Variants in NCKAP5 observed in about 807,000 individuals in gnomAD.
NCKAP5 encodes the protein NCK associated protein 5, also known as nck-associated protein 5.
A neutral mutation model predicts 167.0 loss-of-function variants in NCKAP5; 92 were observed. That is an observed-to-expected ratio of 0.55 (90% CI 0.47 to 0.66). The LOEUF (loss-of-function observed/expected upper bound fraction) is 0.66, where lower values mean the gene tolerates loss of function less well. Among genes scored for constraint, NCKAP5 ranks in the 30% least tolerant of loss-of-function variants. The probability of loss-of-function intolerance (pLI) is 0.00; values close to 1 mark genes in which losing one functional copy is unlikely to be tolerated. For synonymous variants in NCKAP5, 891 were observed against 877.4 expected, an observed-to-expected ratio of 1.02 and a Z score of -0.27; for missense variants, 2,378 against 2,315.0, an observed-to-expected ratio of 1.03 and a Z score of -0.56.
At chr2:133,491,678 A>G (rs1681457585) in intron 3 of NCKAP5, among the ~76,000 whole-genome samples, 1 of 152,132 alleles carries the variant, frequency 6.6e-6, no homozygotes, top group East Asian at 1.9e-4. Flanking sequence ...GGGAGTTTTG[A>G]CAAGACGTGA....
At chr2:133,639,747 G>C in the NCKAP5 span, among the ~76,000 whole-genome samples, 178 of 152,256 alleles carry the variant, frequency 1.2e-3, 1 homozygote, top group African/African-American at 3.8e-3. Flanking sequence ...AGGCTGTGCA[G>C]ACCATCCAGG....
intron 2 of NCKAP5, among the ~76,000 whole-genome samples, chr2:133,519,302 T>A (rs1013263016): frequency 1.3e-5 from 2 of 152,260 alleles, no homozygotes; most frequent in African/African-American, 4.8e-5. Flanking sequence ...AAGAGTTCAA[T>A]CAGAATTTAG....
At chr2:133,646,071 T>C in the NCKAP5 span, among the ~76,000 whole-genome samples, 1 of 152,130 alleles carries the variant, frequency 6.6e-6, no homozygotes, top group Admixed American at 6.5e-5. Flanking sequence ...TCTATGTATG[T>C]GTGTGTGTCT....
At chr2:133,575,290 T>C in the NCKAP5 span, among the ~76,000 whole-genome samples, 1 of 152,220 alleles carries the variant, frequency 6.6e-6, no homozygotes, top group African/African-American at 2.4e-5. Context: ...TTGAAACACA[T>C]TGAACCTTTT....
At chr2:133,585,641 T>C in the NCKAP5 span, among the ~76,000 whole-genome samples, 1 of 152,252 alleles carries the variant, frequency 6.6e-6, no homozygotes, top group Non-Finnish European at 1.5e-5. Context: ...TTACAATTAT[T>C]GAATGTATAA....
At chr2:133,464,371 T>C (rs1392069803) in intron 3 of NCKAP5, among the ~76,000 whole-genome samples, 1 of 152,184 alleles carries the variant, frequency 6.6e-6, no homozygotes, top group Non-Finnish European at 1.5e-5. Flanking sequence ...ACAAAAATGT[T>C]CAGCAAACAT....
intron 3 of NCKAP5, among the ~76,000 whole-genome samples, chr2:133,495,665 A>C (rs1681879154): frequency 2.6e-5 from 4 of 152,186 alleles, no homozygotes; most frequent in African/African-American, 9.7e-5. Context: ...GATGATATAG[A>C]AGGATTCAGT....
intron 15 of NCKAP5, among the ~76,000 whole-genome samples, chr2:132,779,694 C>G: frequency 6.6e-6 from 1 of 151,850 alleles, no homozygotes; most frequent in Middle Eastern, 3.5e-3. Context: ...GAGTCAAGAG[C>G]TATTTGAATA....
intron 3 of NCKAP5, among the ~76,000 whole-genome samples, chr2:133,391,875 T>C (rs1687434032): frequency 6.6e-6 from 1 of 152,216 alleles, no homozygotes. Flanking sequence ...ATCCAAGATC[T>C]GGCCCCTCCC....
chr2:133,523,809 A>G (rs868437896), intron 2 of NCKAP5, among the ~76,000 whole-genome samples: 6 of 152,374 alleles, frequency 3.9e-5, no homozygotes, highest in Non-Finnish European at 2.9e-5. Flanking sequence ...GAATAACTGC[A>G]GAGTAGAGCA....
chr2:133,454,612 C>T (rs1282503410), intron 3 of NCKAP5, among the ~76,000 whole-genome samples: 1 of 152,038 alleles, frequency 6.6e-6, no homozygotes, highest in Non-Finnish European at 1.5e-5. Flanking sequence ...CTTTGGAGTG[C>T]TTTTGACATG....
At chr2:132,852,591 T>G (rs1187649014) in intron 11 of NCKAP5, among the ~76,000 whole-genome samples, 1 of 152,170 alleles carries the variant, frequency 6.6e-6, no homozygotes, top group Non-Finnish European at 1.5e-5. Flanking sequence ...TTGCAAGAGG[T>G]TGGGAAGGCC....
chr2:132,785,127 C>T lies in NCKAP5; in HGVS notation c.1684G>A (p.Glu562Lys). The T allele has an allele frequency of 6.2e-7, 1 of 1,613,264 alleles. No homozygotes were observed. Among genetic ancestry groups the T allele is most frequent in the East Asian group, 2.2e-5 (1 of 44,878 alleles). The part of the protein sequence containing the change: ...PSVQTPQVQR[E>K]RGPQGQGHGR... ...TGGCCTTGGCCCTGTGGGCCCCTCTCCCTCTGTACCTGAGGCGTCTGCACA... is the reference window on the plus strand; with the variant it reads ...TGGCCTTGGCCCTGTGGGCCCCTCTTCCTCTGTACCTGAGGCGTCTGCACA... The change falls in exon 14 of 20, where the codon GAG (glutamate) becomes AAG (lysine). Residue 562 changes from glutamate to lysine, a missense_variant. Coordinates refer to ENST00000409261, the MANE Select transcript of NCKAP5 (RefSeq NM_207363.3).
chr2:133,012,809 C>A (rs2078207806), intron 6 of NCKAP5, among the ~76,000 whole-genome samples: 1 of 152,080 alleles, frequency 6.6e-6, no homozygotes, highest in South Asian at 2.1e-4. Flanking sequence ...TTTACTGCCC[C>A]CTTTCCTTCA....
At chr2:132,991,723 C>T (rs754912011) in intron 7 of NCKAP5, among the ~76,000 whole-genome samples, 20 of 152,262 alleles carry the variant, frequency 1.3e-4, no homozygotes, top group Middle Eastern at 3.4e-3. Flanking sequence ...CTAAGCTTTA[C>T]GTGGGCCTCT....
At chr2:132,761,143 A>C (rs1680969759) in intron 16 of NCKAP5, among the ~76,000 whole-genome samples, 1 of 152,204 alleles carries the variant, frequency 6.6e-6, no homozygotes, top group Non-Finnish European at 1.5e-5. Flanking sequence ...CTTTGAAGTT[A>C]CTGCCCTTTG....
At chr2:133,229,848 C>A (rs1228372391) in intron 4 of NCKAP5, among the ~76,000 whole-genome samples, 2 of 152,084 alleles carry the variant, frequency 1.3e-5, no homozygotes, top group Non-Finnish European at 2.9e-5. Flanking sequence ...CTCTCAAAAT[C>A]CATTTTAATT....
chr2:133,578,936 A>G, the NCKAP5 span, among the ~76,000 whole-genome samples: 5 of 152,226 alleles, frequency 3.3e-5, no homozygotes, highest in Non-Finnish European at 7.3e-5. Context: ...GAGCTCTGGT[A>G]ACCCAACAAA....
At chr2:132,804,966 G>A (rs1685320902) in intron 11 of NCKAP5, among the ~76,000 whole-genome samples, 1 of 151,842 alleles carries the variant, frequency 6.6e-6, no homozygotes, top group South Asian at 2.1e-4. Flanking sequence ...TCTTTTACAA[G>A]GCAAATCCTA....
Sources: gnomAD v4.1 joint callset for allele counts (sites outside exome capture counted in the v4.1 genomes callset) on GRCh38, gnomAD v4.1.1 for gene constraint, MANE v1.5 for transcripts, NCBI Gene and HGNC (gene_info 2026-07-23, HGNC 2026-07-21) for gene names.